The following HSF1 variants were observed in gnomAD, a reference collection of about 807,000 sequenced individuals.
HSF1 encodes heat shock factor protein 1.
In HSF1, 32 loss-of-function variants were observed where a neutral mutation model predicts 51.7. The ratio of observed to expected loss-of-function variants is 0.62; its 90% CI spans 0.47 to 0.83. HSF1 has a LOEUF of 0.83. Among genes scored for constraint, HSF1 ranks in the 40% least tolerant of loss-of-function variants. The pLI is 0.00. For missense variants in HSF1, 727 were observed against 717.0 expected, an observed-to-expected ratio of 1.01 and a Z score of -0.16; for synonymous variants, 396 against 309.7, an observed-to-expected ratio of 1.28 and a Z score of -2.92.
chr8:144,311,022 C>T (rs1172956973), intron 4 of HSF1, 152 bp from the exon 5 acceptor site: 3 of 698,566 alleles, frequency 4.3e-6, no homozygotes, highest in Non-Finnish European at 7.1e-6. Context: ...CCCAGTCCCT[C>T]CACACACAAG....
chr8:144,313,930 G>A lies in HSF1; in HGVS notation c.1314+19G>A, dbSNP rs781904476. 2 of 1,610,108 alleles carry A rather than the reference G, an allele frequency of 1.2e-6. No individual in the cohort carries two copies. Among genetic ancestry groups the A allele is most frequent in the Non-Finnish European group, 1.7e-6 (2 of 1,179,180 alleles). ...GGCCAGTGTGCGTAGGCGGGCGGGG[G>A]GTGAGGGGGAACGAGACCAGCGGGA... On this transcript the variant is annotated intron_variant, in intron 11 of 12. Transcript: ENST00000528838.
rs548909649 is a variant in HSF1 at position 144,300,469 on chromosome 8, G to A, written c.118-8437G>A. Reference sequence around the variant, plus strand: ...CCTGACCTCGTGATCCGCCCACCTTGGCCTCCCAAAGTGTTGGGCGCGTCA... The same window carrying A: ...CCTGACCTCGTGATCCGCCCACCTTAGCCTCCCAAAGTGTTGGGCGCGTCA... On this transcript the variant is annotated intron_variant, in intron 1 of 12. Transcript: ENST00000528838. Among the ~76,000 whole-genome samples the A allele has an allele frequency of 3.9e-5, 6 of 152,150 alleles. No individual in the cohort carries two copies. The South Asian group carries it at 6.2e-4, about 16-fold the overall frequency.
At chr8:144,307,966 C>T (rs1816332987) in intron 1 of HSF1, among the ~76,000 whole-genome samples, 1 of 152,232 alleles carries the variant, frequency 6.6e-6, no homozygotes, top group African/African-American at 2.4e-5. Flanking sequence ...TGACCGTTTC[C>T]CTCCCTGACA....
chr8:144,295,895 C>T (rs1440876157), intron 1 of HSF1, among the ~76,000 whole-genome samples: 2 of 152,134 alleles, frequency 1.3e-5, no homozygotes, highest in Non-Finnish European at 2.9e-5. Flanking sequence ...TACCTGCATT[C>T]GGATGGCGCT....
chr8:144,306,614 C>T (rs782456560), intron 1 of HSF1, among the ~76,000 whole-genome samples: 6 of 152,146 alleles, frequency 3.9e-5, no homozygotes, highest in Non-Finnish European at 4.4e-5. Context: ...CCACCCGCCT[C>T]GGCTTCCCAA....
Position 144,314,370 on chromosome 8 carries a change from C to G in HSF1, c.*40C>G. The G allele has an allele frequency of 4.0e-6, 6 of 1,514,238 alleles. No homozygotes were observed. Among genetic ancestry groups the G allele is most frequent in the Non-Finnish European group, 5.4e-6 (6 of 1,116,636 alleles). The allele number at this position is 1,514,238 out of a possible 1,614,324, so 93.8% of individuals were successfully genotyped here. A position where few individuals can be genotyped will look rare whatever the true frequency, so the allele number is the denominator to read the frequency against. On this transcript the variant is annotated 3_prime_UTR_variant, in exon 13 of 13. Transcript: ENST00000528838. Reference sequence around the variant, plus strand: ...CTGGGCCAGCCGCCCACCCCCACCCCCAGTGCAGGGCTGGTCTTGGGGAGG... The same window carrying G: ...CTGGGCCAGCCGCCCACCCCCACCCGCAGTGCAGGGCTGGTCTTGGGGAGG...
intron 1 of HSF1, among the ~76,000 whole-genome samples, chr8:144,308,633 T>C (rs1443216942): frequency 3.3e-5 from 5 of 152,160 alleles, no homozygotes; most frequent in Admixed American, 6.5e-5. Context: ...GGAGGGGCTT[T>C]CCGACTGAGA....
intron 1 of HSF1, among the ~76,000 whole-genome samples, chr8:144,308,406 T>G (rs1816368827): frequency 6.6e-6 from 1 of 152,252 alleles, no homozygotes; most frequent in Admixed American, 6.5e-5. Context: ...AAAACAAGAC[T>G]GAATTTGGAT....
At chr8:144,313,736 G>GCCTCCCCGCCC (rs1219073014) in intron 10 of HSF1, 110 bp from the exon 11 acceptor site, 1 of 34,414 alleles carries the variant, frequency 2.9e-5, no homozygotes, top group African/African-American at 1.1e-3. Context: ...CCGCCTCCCC[G>GCCTCCCCGCCC]CGCCTCCCCG....
In HSF1 at chr8:144,309,364, G is replaced by T. The variant is rs141769046; in HGVS notation, c.227-91G>T. ...CAGGGCAGGGTCTGACCATGGCCAA[G>T]CCCCGCAGCAGCCTCCTGGAGCAGT... is the stretch of plus-strand genomic sequence containing the variant. On this transcript the variant is annotated intron_variant, in intron 2 of 12. Coordinates refer to ENST00000528838, the MANE Select transcript of HSF1 (RefSeq NM_005526.4). 8,697 of 1,559,936 alleles carry T rather than the reference G, an allele frequency of 5.6e-3. 58 individuals are homozygous for T. The highest frequency in any genetic ancestry group is 0.015 in the Middle Eastern group (85 of 5,848).
chr8:144,299,167 C>T (rs1037518111), intron 1 of HSF1, among the ~76,000 whole-genome samples: 1 of 152,140 alleles, frequency 6.6e-6, no homozygotes, highest in Non-Finnish European at 1.5e-5. Context: ...GGAAGCCAGG[C>T]GAAGTGGCTC....
In HSF1 at chr8:144,314,477, A is replaced by C; in HGVS notation, c.*147A>C. 1.5e-6 allele frequency: 1 copy of C among 669,726 alleles called. No individual in the cohort carries two copies. Among genetic ancestry groups the C allele is most frequent in the Non-Finnish European group, 2.6e-6 (1 of 391,704 alleles). 41.5% of individuals were successfully genotyped at this position (669,726 alleles called of 1,614,324 possible). A position where few individuals can be genotyped will look rare whatever the true frequency, so the allele number is the denominator to read the frequency against. ...ACAAACGGGCTCGGGTCTGGGCAGC[A>C]CCTCTGGTCAGGAGGGTCACCCTGG... is the stretch of plus-strand genomic sequence containing the variant. On this transcript the variant is annotated 3_prime_UTR_variant, in exon 13 of 13. Transcript: ENST00000528838.
In HSF1 at chr8:144,311,383, G is replaced by A. The variant is rs782243638; in HGVS notation, c.626+1G>A. 6.2e-7 allele frequency: 1 copy of A among 1,613,970 alleles called. No homozygotes were observed. The highest frequency in any genetic ancestry group is 8.5e-7 in the Non-Finnish European group (1 of 1,180,008). ...GGATCCTGGGGGTGAAGAGAAAGATGTGAGGTTTTGGGGATGCCTGCATCC... is the reference window on the plus strand; with the variant it reads ...GGATCCTGGGGGTGAAGAGAAAGATATGAGGTTTTGGGGATGCCTGCATCC... On this transcript the variant is annotated splice_donor_variant, in intron 6 of 12. Coordinates refer to ENST00000528838, the MANE Select transcript of HSF1 (RefSeq NM_005526.4). LOFTEE classifies it high-confidence loss of function.
Position 144,305,357 on chromosome 8 carries a change from T to C in HSF1, c.118-3549T>C, listed in dbSNP as rs375613804. The stretch of plus-strand genomic sequence containing the variant: ...TTTCTGTCACTAGACTGGAGTGCAG[T>C]GGTGCAATCTCGGCTCACTGCAACC... On this transcript the variant is annotated intron_variant, in intron 1 of 12. Coordinates refer to ENST00000528838, the MANE Select transcript of HSF1 (RefSeq NM_005526.4). 2.5e-4 allele frequency among the ~76,000 whole-genome samples: 38 copies of C among 152,076 alleles called. 1 individual carries two copies. Among genetic ancestry groups the C allele is most frequent in the African/African-American group, 8.2e-4 (34 of 41,482 alleles).
intron 4 of HSF1, chr8:144,310,101 G>A (rs1816517699): frequency 1.6e-6 from 1 of 606,564 alleles, no homozygotes; most frequent in African/African-American, 1.9e-5. Context: ...TCCATGTGCA[G>A]AAGGGGGTTG....
intron 2 of HSF1, 168 bp downstream of exon 2, chr8:144,309,182 G>A (rs1816429546): frequency 1.5e-6 from 1 of 676,330 alleles, no homozygotes; most frequent in Non-Finnish European, 2.5e-6. Context: ...TCTTCCATGG[G>A]GGAGGGTCCT....
chr8:144,295,284 A>G (rs888005480), intron 1 of HSF1, among the ~76,000 whole-genome samples: 1 of 152,270 alleles, frequency 6.6e-6, no homozygotes, highest in Non-Finnish European at 1.5e-5. Flanking sequence ...TGGGTTCACC[A>G]TCATCCCAGT....
intron 2 of HSF1, 107 bp downstream of exon 2, chr8:144,309,121 C>G (rs1392930134): frequency 1.1e-6 from 1 of 918,864 alleles, no homozygotes; most frequent in African/African-American, 1.6e-5. Context: ...CTGTGCTGGC[C>G]AAGGGCATGG....
intron 1 of HSF1, among the ~76,000 whole-genome samples, chr8:144,307,919 T>C (rs4279640): frequency 0.52 from 78,685 of 152,162 alleles, 20,668 homozygotes; most frequent in Admixed American, 0.65. Context: ...TTGGCGCTTT[T>C]CGCCGTCTCT....
Sources: allele counts gnomAD v4.1 joint callset (sites outside exome capture counted in the v4.1 genomes callset), GRCh38; gene constraint gnomAD v4.1.1; transcripts MANE v1.5; gene names NCBI Gene and HGNC (gene_info 2026-07-23, HGNC 2026-07-21).